TAB2: variants seen among roughly 807,000 people sequenced by gnomAD.
The protein encoded by TAB2 is TGF-beta-activated kinase 1 and MAP3K7-binding protein 2.
TAB2 carries 3 observed loss-of-function variants against 65.0 expected under a neutral mutation model. The ratio of observed to expected loss-of-function variants is 0.05; its 90% CI spans 0.02 to 0.12. The LOEUF is 0.12. Ranked by LOEUF, TAB2 falls within the 10% of genes least tolerant of loss-of-function variation. TAB2 has a pLI of 1.00. For missense variants in TAB2, 623 were observed against 840.3 expected (o/e 0.74, Z 3.20); for synonymous variants, 298 against 285.1 (o/e 1.05, Z -0.46).
intron 2 of TAB2, among the ~76,000 whole-genome samples, chr6:149,372,105 T>G (rs1200187146): frequency 6.6e-6 from 1 of 152,162 alleles, no homozygotes; most frequent in Non-Finnish European, 1.5e-5. Flanking sequence ...CTACATATAG[T>G]ACAGGTATAG....
intron 1 of TAB2, among the ~76,000 whole-genome samples, chr6:149,351,406 C>A (rs373713968): frequency 2.6e-5 from 4 of 152,164 alleles, no homozygotes; most frequent in African/African-American, 9.7e-5. Flanking sequence ...ACTACTACTA[C>A]CAGTTTGTAC....
At chr6:149,231,099 T>C (rs973310583) in intron 1 of TAB2, among the ~76,000 whole-genome samples, 6 of 152,240 alleles carry the variant, frequency 3.9e-5, no homozygotes, top group African/African-American at 1.4e-4. Context: ...ACCTACATTC[T>C]AATCAGAGGC....
chr6:149,238,140 C>T (rs546140023), intron 1 of TAB2, among the ~76,000 whole-genome samples: 1 of 152,130 alleles, frequency 6.6e-6, no homozygotes, highest in African/African-American at 2.4e-5. Flanking sequence ...ACCTGTCTCC[C>T]ATCACTTTGG....
intron 1 of TAB2, among the ~76,000 whole-genome samples, chr6:149,334,925 G>A (rs1779889317): frequency 6.6e-6 from 1 of 152,098 alleles, no homozygotes; most frequent in Non-Finnish European, 1.5e-5. Flanking sequence ...TTAGTGAGTA[G>A]GAGGCAGTGA....
At chr6:149,260,978 C>A (rs370870429) in intron 1 of TAB2, among the ~76,000 whole-genome samples, 2 of 152,268 alleles carry the variant, frequency 1.3e-5, no homozygotes, top group East Asian at 3.9e-4. Context: ...TATATTTCCT[C>A]TGGATTAAAC....
At chr6:149,400,338 C>A in intron 6 of TAB2, 4 of 1,577,424 alleles carry the variant, frequency 2.5e-6, no homozygotes, top group Non-Finnish European at 3.4e-6. Context: ...TCGTTAGGTG[C>A]GGACCCGCCA....
chr6:149,253,976 AAG>A (rs1217930140), intron 1 of TAB2, among the ~76,000 whole-genome samples: 1,579 of 134,034 alleles, frequency 0.012, 10 homozygotes, highest in Middle Eastern at 0.021. Flanking sequence ...GAAAGAAAGA[AAG>A]AAAGAAAGAA....
At chr6:149,310,750 CATT>C (rs1303857794) in intron 1 of TAB2, among the ~76,000 whole-genome samples, 1 of 152,152 alleles carries the variant, frequency 6.6e-6, no homozygotes, top group Non-Finnish European at 1.5e-5. Flanking sequence ...AAATCTAACT[CATT>C]ATTCCCATCA....
In TAB2 at chr6:149,378,169, A is replaced by G; in HGVS notation, c.254A>G (p.Gln85Arg). The G allele has an allele frequency of 1.2e-6, 2 of 1,614,208 alleles. No individual in the cohort carries two copies. Among genetic ancestry groups the G allele is most frequent in the Non-Finnish European group, 1.7e-6 (2 of 1,180,046 alleles). The change falls in exon 3 of 7, where the codon CAG (glutamine) becomes CGG (arginine). Residue 85 changes from glutamine (Q) to arginine (R), a missense_variant. Transcript: ENST00000637181. Reference protein sequence around the residue: ...MTSLNLDLQSQNIYHHGREGS... With the variant: ...MTSLNLDLQSRNIYHHGREGS... ...TCTCTCAACTTGGACTTGCAATCAC[A>G]GAACATTTACCACCATGGAAGAGAA...
chr6:149,339,589 A>ATTTTTTTTTTTTTTTTT (rs1462448974), intron 1 of TAB2, among the ~76,000 whole-genome samples: 1 of 31,442 alleles, frequency 3.2e-5, no homozygotes, highest in African/African-American at 5.9e-5. Context: ...AATCTTTTTT[A>ATTTTTTTTTTTTTTTTT]TTTATTTATT....
rs925925693 is a variant in TAB2 at position 149,363,457 on chromosome 6, G to T, written c.-89-6452G>T. The stretch of plus-strand genomic sequence containing the variant: ...TTCCCTAATGAGCTTCATAGCACTT[G>T]CTGGCTTTTTAAACTGTTTACATGT... On this transcript the variant is annotated intron_variant, in intron 1 of 6. Transcript: ENST00000637181. Among the ~76,000 whole-genome samples the T allele has an allele frequency of 1.5e-4, 23 of 152,112 alleles. 3 individuals carry two copies. Among genetic ancestry groups the T allele is most frequent in the Admixed American group, 1.3e-3 (20 of 15,270 alleles).
intron 1 of TAB2, among the ~76,000 whole-genome samples, chr6:149,284,126 C>G (rs980483035): frequency 6.6e-6 from 1 of 152,156 alleles, no homozygotes; most frequent in Admixed American, 6.5e-5. Context: ...CAAACCAAAG[C>G]TCTTAGACAC....
intron 1 of TAB2, among the ~76,000 whole-genome samples, chr6:149,271,046 T>TC (rs1778352824): frequency 6.6e-6 from 1 of 151,912 alleles, no homozygotes; most frequent in Non-Finnish European, 1.5e-5. Flanking sequence ...TATTCTTTTT[T>TC]TTTTCATTTT....
chr6:149,356,662 T>A (rs1052100066), intron 1 of TAB2, among the ~76,000 whole-genome samples: 1 of 152,164 alleles, frequency 6.6e-6, no homozygotes, highest in Admixed American at 6.6e-5. Context: ...CACCTCCCAA[T>A]ACTGTCATCT....
chr6:149,297,930 A>G (rs892847306), intron 1 of TAB2, among the ~76,000 whole-genome samples: 1 of 152,188 alleles, frequency 6.6e-6, no homozygotes, highest in Non-Finnish European at 1.5e-5. Context: ...TGCTGATTAT[A>G]CTGCAGGTTC....
chr6:149,365,703 A>G (rs372541334), intron 1 of TAB2, among the ~76,000 whole-genome samples: 3 of 151,526 alleles, frequency 2.0e-5, no homozygotes, highest in East Asian at 1.9e-4. Context: ...TTTTTTTTCT[A>G]CCTCATTCTT....
intron 1 of TAB2, among the ~76,000 whole-genome samples, chr6:149,367,208 G>C (rs1444712368): frequency 6.6e-6 from 1 of 152,070 alleles, no homozygotes; most frequent in Non-Finnish European, 1.5e-5. Flanking sequence ...TGAAATAAAA[G>C]CAGTATGAGG....
At chr6:149,400,453 A>G (rs530895667) in intron 6 of TAB2, 4 of 1,614,254 alleles carry the variant, frequency 2.5e-6, no homozygotes, top group Admixed American at 1.7e-5. Flanking sequence ...ATTAATTTGA[A>G]GGTGGCGGGA....
At chr6:149,387,773 T>C (rs986817500) in intron 3 of TAB2, among the ~76,000 whole-genome samples, 20 of 152,044 alleles carry the variant, frequency 1.3e-4, no homozygotes, top group Admixed American at 3.9e-4. Context: ...TCTCAAACAG[T>C]TCATTTTGTA....
Sources: gnomAD v4.1 joint callset for allele counts (sites outside exome capture counted in the v4.1 genomes callset) on GRCh38, gnomAD v4.1.1 for gene constraint, MANE v1.5 for transcripts, NCBI Gene and HGNC (gene_info 2026-07-23, HGNC 2026-07-21) for gene names.